The following LRRFIP1 variants were observed in gnomAD, a reference collection of about 807,000 sequenced individuals.
LRRFIP1 encodes the protein LRR binding FLII interacting protein 1.
LRRFIP1 carries 62 observed loss-of-function variants against 104.4 expected under a neutral mutation model. The ratio of observed to expected loss-of-function variants is 0.59; its 90% CI spans 0.48 to 0.73. LRRFIP1 has a LOEUF of 0.73. LRRFIP1 is among the 30% of genes least tolerant of loss of function. The pLI, the probability that LRRFIP1 is intolerant of heterozygous loss-of-function variation, is 0.00. For synonymous variants in LRRFIP1, 300 were observed against 299.0 expected, an observed-to-expected ratio of 1.00 and a Z score of -0.03; for missense variants, 796 against 824.5, an observed-to-expected ratio of 0.97 and a Z score of 0.42.
intron 16 of LRRFIP1, among the ~76,000 whole-genome samples, chr2:237,757,112 A>G (rs569602642): frequency 6.6e-6 from 1 of 152,362 alleles, no homozygotes; most frequent in Admixed American, 6.5e-5. Flanking sequence ...TAGAATTGCA[A>G]GAGAATAAAT....
At chr2:237,755,985 A>T (rs1328418097) in intron 15 of LRRFIP1, 110 bp from the exon 16 acceptor site, 1 of 594,992 alleles carries the variant, frequency 1.7e-6, no homozygotes. Flanking sequence ...GATTGTGATG[A>T]TGTAGTAGCA....
chr2:237,772,503 A>G (rs2060732302), intron 21 of LRRFIP1: 1 of 435,592 alleles, frequency 2.3e-6, no homozygotes, highest in Admixed American at 4.0e-5. Flanking sequence ...GTATGAAAAA[A>G]AAAAAATGAA....
intron 23 of LRRFIP1, among the ~76,000 whole-genome samples, chr2:237,777,969 G>A (rs913831860): frequency 6.6e-5 from 10 of 151,988 alleles, no homozygotes; most frequent in African/African-American, 2.2e-4. Flanking sequence ...CTTCATTGTT[G>A]ATAGTTTCTT....
Position 237,647,523 on chromosome 2 carries a change from C to G in LRRFIP1, c.96+19783C>G, listed in dbSNP as rs544967129. ...CCCTTCCCTCAGATGGGTGCCCCCC[C>G]ACCCTGCAGCAGGGTTGAGGGAGCA... On this transcript the variant is annotated intron_variant, in intron 1 of 23. Coordinates refer to ENST00000308482, the MANE Select transcript of LRRFIP1 (RefSeq NM_001137550.2). Among the ~76,000 whole-genome samples the G allele has an allele frequency of 2.5e-4, 38 of 152,194 alleles. 1 individual carries two copies. Among genetic ancestry groups the G allele is most frequent in the African/African-American group, 8.2e-4 (34 of 41,580 alleles).
chr2:237,723,545 C>T lies in LRRFIP1; in HGVS notation c.346-3C>T, dbSNP rs375878110. 12 of 1,612,374 alleles carry T rather than the reference C, an allele frequency of 7.4e-6. No homozygotes were observed. Among genetic ancestry groups the T allele is most frequent in the Non-Finnish European group, 9.3e-6 (11 of 1,179,108 alleles). ...TTTTTTTCTGCCATCTTTCTTCTGA[C>T]AGTCGCAGCCTGACTTGGAGTATGG... On this transcript the variant is annotated splice_region_variant and splice_polypyrimidine_tract_variant and intron_variant, in intron 6 of 23. Transcript: ENST00000308482.
chr2:237,664,894 G>C (rs2088886724), intron 1 of LRRFIP1, among the ~76,000 whole-genome samples: 2 of 152,054 alleles, frequency 1.3e-5, no homozygotes, highest in South Asian at 4.1e-4. Context: ...TCTTAATCTC[G>C]TGTTCCATTA....
chr2:237,760,191 G>T lies in LRRFIP1; in HGVS notation c.1445G>T (p.Gly482Val), dbSNP rs759025143. Residue 482 changes from glycine to valine, a missense_variant, in exon 19 of 24, where the codon GGG becomes GTG. Transcript: ENST00000308482. ...KEELNALKST[G>V]DGTLDIRLKK... ...GAGTTAAATGCCCTCAAGTCGACAG[G>T]GGATGGGACCCTAGGTAAGTATTTG... 1.2e-6 allele frequency: 2 copies of T among 1,613,998 alleles called. No individual in the cohort carries two copies. Among genetic ancestry groups the T allele is most frequent in the African/African-American group, 1.3e-5 (1 of 74,926 alleles).
At chr2:237,756,015 A>G (rs2150748280) in intron 15 of LRRFIP1, 80 bp from the exon 16 acceptor site, 1 of 826,694 alleles carries the variant, frequency 1.2e-6, no homozygotes, top group South Asian at 1.6e-5. Context: ...TTCCACAGAA[A>G]CTATAAATCG....
intron 1 of LRRFIP1, among the ~76,000 whole-genome samples, chr2:237,680,514 G>C (rs572140825): frequency 1.2e-4 from 18 of 152,304 alleles, no homozygotes; most frequent in African/African-American, 4.3e-4. Flanking sequence ...ATATGCACAG[G>C]TTATGTGCAA....
chr2:237,690,998 A>G (rs1213593256), intron 1 of LRRFIP1, among the ~76,000 whole-genome samples: 1 of 151,342 alleles, frequency 6.6e-6, no homozygotes, highest in East Asian at 1.9e-4. Context: ...TCGGCTCCTC[A>G]GCACCCATTT....
At chr2:237,647,214 A>G (rs1224219381) in intron 1 of LRRFIP1, among the ~76,000 whole-genome samples, 1 of 151,974 alleles carries the variant, frequency 6.6e-6, no homozygotes, top group Non-Finnish European at 1.5e-5. Flanking sequence ...CCATAGGCCT[A>G]CAGTGACCAC....
At chr2:237,771,231 A>G (rs1036451320) in intron 20 of LRRFIP1, among the ~76,000 whole-genome samples, 3 of 151,268 alleles carry the variant, frequency 2.0e-5, no homozygotes, top group Non-Finnish European at 4.4e-5. Flanking sequence ...TGCAATTCCA[A>G]CTATACGGTC....
intron 21 of LRRFIP1, chr2:237,772,509 A>G (rs75794397): frequency 4.6e-6 from 2 of 435,068 alleles, no homozygotes; most frequent in East Asian, 7.8e-5. Context: ...AAAAAAAAAA[A>G]TGAAAGGCTT....
chr2:237,707,977 G>T lies in LRRFIP1; in HGVS notation c.97-567G>T, dbSNP rs189132239. 1.1e-3 allele frequency among the ~76,000 whole-genome samples: 171 copies of T among 152,360 alleles called. 5 individuals carry two copies. In the East Asian group the frequency reaches 0.027, roughly 24 times the overall value. On this transcript the variant is annotated intron_variant, in intron 1 of 23. Transcript: ENST00000308482. ...GTGTGTGCTGAGAAGTGACTGGACAGCAGTTCGCTGGGATTACAGTCCCAG... is the reference window on the plus strand; with the variant it reads ...GTGTGTGCTGAGAAGTGACTGGACATCAGTTCGCTGGGATTACAGTCCCAG...
intron 1 of LRRFIP1, among the ~76,000 whole-genome samples, chr2:237,697,855 A>ATCG (rs1361699332): frequency 6.6e-6 from 1 of 152,014 alleles, no homozygotes; most frequent in African/African-American, 2.4e-5. Flanking sequence ...AGTGGTAGTC[A>ATCG]TGGTTCTTGT....
At chr2:237,776,291 T>G (rs1251181989) in intron 23 of LRRFIP1, among the ~76,000 whole-genome samples, 1 of 152,204 alleles carries the variant, frequency 6.6e-6, no homozygotes, top group African/African-American at 2.4e-5. Context: ...TTTGCTATGG[T>G]CAGAGAACAT....
intron 19 of LRRFIP1, 181 bp from the exon 20 acceptor site, chr2:237,769,762 A>G: frequency 1.7e-6 from 1 of 584,120 alleles, no homozygotes; most frequent in Non-Finnish European, 3.1e-6. Flanking sequence ...GGTTGACCCA[A>G]CCTCCTTTGG....
At chr2:237,651,754 T>C (rs34750485) in intron 1 of LRRFIP1, among the ~76,000 whole-genome samples, 1 of 152,226 alleles carries the variant, frequency 6.6e-6, no homozygotes, top group African/African-American at 2.4e-5. Context: ...GCATAAAATC[T>C]ATTTTAATAA....
intron 1 of LRRFIP1, among the ~76,000 whole-genome samples, chr2:237,670,402 G>A (rs1300875133): frequency 6.6e-6 from 1 of 152,198 alleles, no homozygotes; most frequent in Non-Finnish European, 1.5e-5. Flanking sequence ...AGGGGAAAAT[G>A]TTTATTTGTT....
Sources: gnomAD v4.1 joint callset for allele counts (sites outside exome capture counted in the v4.1 genomes callset) on GRCh38, gnomAD v4.1.1 for gene constraint, MANE v1.5 for transcripts, NCBI Gene and HGNC (gene_info 2026-07-23, HGNC 2026-07-21) for gene names.